GREB1L: variants seen among roughly 807,000 people sequenced by gnomAD.
GREB1L encodes the protein GREB1 like retinoic acid receptor coactivator, also known as GREB1-like protein.
In GREB1L, 17 loss-of-function variants were observed where a neutral mutation model predicts 200.8. The observed-to-expected ratio is 0.08, with a 90% CI of 0.06 to 0.13. The LOEUF (loss-of-function observed/expected upper bound fraction) is 0.13. Ranked by LOEUF, GREB1L falls within the 10% of genes least tolerant of loss-of-function variation. The probability of loss-of-function intolerance (pLI) is 1.00; values close to 1 mark genes in which losing one functional copy is unlikely to be tolerated. For synonymous variants in GREB1L, 789 were observed against 893.0 expected (o/e 0.88, Z 2.08); for missense variants, 1,657 against 2,367.7 (o/e 0.70, Z 6.23).
chr18:21,334,414 T>C (rs1452562326), intron 1 of GREB1L, among the ~76,000 whole-genome samples: 2 of 152,182 alleles, frequency 1.3e-5, no homozygotes, highest in Non-Finnish European at 2.9e-5. Context: ...TCATGAAACA[T>C]AGAAAGTGTT....
chr18:21,277,299 T>C (rs1456303208), intron 1 of GREB1L, among the ~76,000 whole-genome samples: 1 of 152,216 alleles, frequency 6.6e-6, no homozygotes, highest in Non-Finnish European at 1.5e-5. Context: ...TTTAGCCTCC[T>C]GTGAGGCTCG....
At chr18:21,312,300 T>C (rs1270227193) in intron 1 of GREB1L, among the ~76,000 whole-genome samples, 1 of 152,126 alleles carries the variant, frequency 6.6e-6, no homozygotes, top group African/African-American at 2.4e-5. Context: ...CGTGCATGTG[T>C]CTCTATGATA....
chr18:21,278,389 A>AAATAAAT (rs1555624349), intron 1 of GREB1L, among the ~76,000 whole-genome samples: 44 of 125,618 alleles, frequency 3.5e-4, no homozygotes, highest in African/African-American at 1.1e-3. Flanking sequence ...TCAAAAAAAA[A>AAATAAAT]AAATAAATAA....
At chr18:21,328,319 ATGCATTGAATCGAG>A (rs1246681009) in intron 1 of GREB1L, among the ~76,000 whole-genome samples, 1 of 152,154 alleles carries the variant, frequency 6.6e-6, no homozygotes, top group Non-Finnish European at 1.5e-5. Context: ...ATCTGTCCCA[ATGCATTGAATCGAG>A]TGAAATAAAA....
intron 3 of GREB1L, 39 bp from the exon 4 acceptor site, chr18:21,384,167 C>G: frequency 7.5e-7 from 1 of 1,335,882 alleles, no homozygotes; most frequent in Non-Finnish European, 1.0e-6. Flanking sequence ...CCATAAGCAT[C>G]TTTTTATTAA....
At chr18:21,464,063 A>G (rs184785041) in intron 15 of GREB1L, among the ~76,000 whole-genome samples, 56 of 152,278 alleles carry the variant, frequency 3.7e-4, no homozygotes, top group Non-Finnish European at 6.0e-4. Context: ...CCAGAACAAT[A>G]CTAAAAAATA....
chr18:21,522,828 G>C lies in GREB1L; in HGVS notation c.*7G>C. 1 of 1,545,410 alleles carries C rather than the reference G, an allele frequency of 6.5e-7. No homozygotes were observed. On this transcript the variant is annotated 3_prime_UTR_variant, in exon 33 of 33. Transcript: ENST00000424526. ...TACTGGACGTCATGTATGAGCTTTT[G>C]AAGAGACCAAAACAGCAAAAAGATG...
intron 7 of GREB1L, among the ~76,000 whole-genome samples, chr18:21,411,962 G>A (rs1267056647): frequency 1.7e-4 from 25 of 150,194 alleles, no homozygotes; most frequent in African/African-American, 4.7e-4. Flanking sequence ...GGAGAATGGC[G>A]TGAACCCGGG....
chr18:21,371,912 A>C (rs1377459110), intron 2 of GREB1L, among the ~76,000 whole-genome samples: 1 of 152,192 alleles, frequency 6.6e-6, no homozygotes, highest in Non-Finnish European at 1.5e-5. Flanking sequence ...AATCTATGAA[A>C]TTGAAAGTAC....
intron 31 of GREB1L, among the ~76,000 whole-genome samples, chr18:21,519,954 CTT>C (rs1366562316): frequency 1.3e-5 from 2 of 149,260 alleles, no homozygotes; most frequent in East Asian, 2.0e-4. Context: ...GAGTTTCACT[CTT>C]GTCACCCTGG....
chr18:21,503,204 T>A (rs933456288), intron 23 of GREB1L, among the ~76,000 whole-genome samples: 3 of 151,620 alleles, frequency 2.0e-5, no homozygotes, highest in Non-Finnish European at 2.9e-5. Flanking sequence ...TTTATTATTA[T>A]TAATAATAAA....
Position 21,449,504 on chromosome 18 carries a change from A to G in GREB1L, c.1394-6A>G, listed in dbSNP as rs570797238. On this transcript the variant is annotated splice_region_variant and splice_polypyrimidine_tract_variant and intron_variant, in intron 11 of 32. Coordinates refer to ENST00000424526, the MANE Select transcript of GREB1L (RefSeq NM_001142966.3). ...TAAATTCCAGCTGTAATTCTCTTCT[A>G]TATAGGTCCTGATCAGGTACCTCTC... 3.4e-4 allele frequency: 514 copies of G among 1,499,912 alleles called. 4 individuals carry two copies. The South Asian group carries it at 6.1e-3, about 18-fold the overall frequency. The allele number at this position is 1,499,912 out of a possible 1,614,324, so 92.9% of individuals were successfully genotyped here. A position where few individuals can be genotyped will look rare whatever the true frequency, so the allele number is the denominator to read the frequency against.
intron 7 of GREB1L, among the ~76,000 whole-genome samples, chr18:21,404,504 T>TA (rs1433773956): frequency 6.6e-6 from 1 of 152,304 alleles, no homozygotes; most frequent in East Asian, 1.9e-4. Flanking sequence ...AATAACTAGA[T>TA]AAAATCTTAG....
At chr18:21,326,332 G>A (rs2039022421) in intron 1 of GREB1L, among the ~76,000 whole-genome samples, 1 of 152,120 alleles carries the variant, frequency 6.6e-6, no homozygotes, top group African/African-American at 2.4e-5. Flanking sequence ...AAGTAACAAA[G>A]AGCTAAGAAA....
intron 1 of GREB1L, among the ~76,000 whole-genome samples, chr18:21,297,314 A>G (rs1214699828): frequency 6.6e-6 from 1 of 152,134 alleles, no homozygotes; most frequent in Non-Finnish European, 1.5e-5. Flanking sequence ...GTGCAGTGAT[A>G]ATACTGTCCC....
In GREB1L at chr18:21,523,605, T is replaced by C. The variant is rs1463512759; in HGVS notation, c.*784T>C. 1 of 152,234 alleles carries C rather than the reference T, an allele frequency of 6.6e-6. No homozygotes were observed. Among genetic ancestry groups the C allele is most frequent in the Non-Finnish European group, 1.5e-5 (1 of 68,038 alleles). 9.4% of individuals were successfully genotyped at this position (152,234 alleles called of 1,614,324 possible). On this transcript the variant is annotated 3_prime_UTR_variant, in exon 33 of 33. Transcript: ENST00000424526. Reference sequence around the variant, plus strand: ...GACTATGGAACAGTGATTAATCTTTTGCAAGAACTTAAGTCAGTTAAGAAG... The same window carrying C: ...GACTATGGAACAGTGATTAATCTTTCGCAAGAACTTAAGTCAGTTAAGAAG...
chr18:21,526,018 C>CTAT lies in GREB1L; in HGVS notation c.*3200_*3202dup, dbSNP rs566007238. On this transcript the variant is annotated 3_prime_UTR_variant, in exon 33 of 33. Transcript: ENST00000424526. ...TTCCAAAGCAGCTGCCTTGAAAAGA[C>CTAT]TATTAATTAACTGTGAAACTGACTG... Among the ~76,000 whole-genome samples the CTAT allele has an allele frequency of 2.6e-3, 389 of 152,248 alleles. 1 individual carries two copies. In the Middle Eastern group the frequency reaches 0.034, roughly 13 times the overall value.
chr18:21,453,212 A>G (rs2034607486), intron 14 of GREB1L, among the ~76,000 whole-genome samples: 1 of 152,194 alleles, frequency 6.6e-6, no homozygotes, highest in Admixed American at 6.5e-5. Context: ...ATTAAAAGAC[A>G]GATATATTTT....
intron 14 of GREB1L, chr18:21,452,460 A>C: frequency 4.8e-6 from 2 of 418,728 alleles, no homozygotes; most frequent in Non-Finnish European, 8.4e-6. Context: ...TATCTTAAGC[A>C]CTCTCTCTTT....
Sources: allele counts gnomAD v4.1 joint callset (sites outside exome capture counted in the v4.1 genomes callset), GRCh38; gene constraint gnomAD v4.1.1; transcripts MANE v1.5; gene names NCBI Gene and HGNC (gene_info 2026-07-23, HGNC 2026-07-21).